The following TACC2 variants were observed in gnomAD, a reference collection of about 807,000 sequenced individuals.
TACC2 encodes the protein transforming acidic coiled-coil-containing protein 2.
In TACC2, 137 loss-of-function variants were observed where a neutral mutation model predicts 227.3. The observed-to-expected ratio is 0.60, with a 90% CI of 0.52 to 0.69. TACC2 has a LOEUF of 0.69. TACC2 is among the 30% of genes least tolerant of loss of function. The pLI is 0.00. For synonymous variants in TACC2, 1,523 were observed against 1,487.5 expected (o/e 1.02, Z -0.55); for missense variants, 3,470 against 3,694.4 (o/e 0.94, Z 1.57).
At chr10:122,122,303 C>T (rs1027849186) in intron 5 of TACC2, among the ~76,000 whole-genome samples, 1 of 151,988 alleles carries the variant, frequency 6.6e-6, no homozygotes, top group Non-Finnish European at 1.5e-5. Context: ...TGCACTGAGC[C>T]GAGATCGTGC....
chr10:122,030,066 A>T (rs771254736), intron 2 of TACC2, among the ~76,000 whole-genome samples: 30 of 152,220 alleles, frequency 2.0e-4, no homozygotes, highest in Non-Finnish European at 1.5e-5. Flanking sequence ...TCTACAATGC[A>T]CAGAACAGTC....
chr10:122,226,897 G>T (rs59962796), intron 13 of TACC2, among the ~76,000 whole-genome samples: 4 of 152,024 alleles, frequency 2.6e-5, no homozygotes, highest in Admixed American at 1.3e-4. Context: ...TCCATCATTT[G>T]TCTAAAGGGG....
chr10:122,235,302 G>A (rs986942913), intron 16 of TACC2, among the ~76,000 whole-genome samples: 6 of 152,190 alleles, frequency 3.9e-5, no homozygotes, highest in African/African-American at 1.4e-4. Flanking sequence ...TGGCCAGGCT[G>A]GTCTTGAACT....
intron 1 of TACC2, among the ~76,000 whole-genome samples, chr10:121,992,644 C>T (rs1392201070): frequency 6.6e-6 from 1 of 152,082 alleles, no homozygotes; most frequent in African/African-American, 2.4e-5. Context: ...GGCAATTGAT[C>T]CAAGTCACTG....
intron 2 of TACC2, among the ~76,000 whole-genome samples, chr10:122,033,526 G>A (rs1307195775): frequency 6.6e-6 from 1 of 152,168 alleles, no homozygotes; most frequent in Non-Finnish European, 1.5e-5. Context: ...GAATGGGGTG[G>A]TGACCCTACC....
At chr10:122,219,031 A>AAAAAAG (rs1555153659) in intron 11 of TACC2, among the ~76,000 whole-genome samples, 24 of 72,776 alleles carry the variant, frequency 3.3e-4, no homozygotes, top group Non-Finnish European at 6.6e-4. Context: ...AAAAAAAAAA[A>AAAAAAG]AAAAGAAAAG....
chr10:122,104,556 A>G (rs1313634908), intron 5 of TACC2, among the ~76,000 whole-genome samples: 3 of 152,058 alleles, frequency 2.0e-5, no homozygotes, highest in African/African-American at 7.2e-5. Context: ...TCTTTAGTAG[A>G]GACAGGGTTT....
At chr10:122,047,688 C>T (rs1010058552) in intron 2 of TACC2, among the ~76,000 whole-genome samples, 3 of 152,212 alleles carry the variant, frequency 2.0e-5, no homozygotes, top group Non-Finnish European at 4.4e-5. Flanking sequence ...CTCTCAGAGC[C>T]TCAGCTCTAA....
intron 3 of TACC2, among the ~76,000 whole-genome samples, chr10:122,054,566 T>A (rs2076032825): frequency 6.6e-6 from 1 of 152,220 alleles, no homozygotes; most frequent in Non-Finnish European, 1.5e-5. Flanking sequence ...AATATTAGGT[T>A]GTACCAGAGG....
chr10:122,107,325 A>G (rs924678755), intron 5 of TACC2, among the ~76,000 whole-genome samples: 11 of 152,252 alleles, frequency 7.2e-5, no homozygotes, highest in Admixed American at 3.3e-4. Context: ...ACTTGAGGTC[A>G]CACGTCTAAT....
At chr10:122,094,892 T>A (rs2081213591) in intron 5 of TACC2, among the ~76,000 whole-genome samples, 1 of 152,232 alleles carries the variant, frequency 6.6e-6, no homozygotes, top group South Asian at 2.1e-4. Flanking sequence ...AACTTCTCAT[T>A]ATGGCCACCG....
At chr10:122,069,158 T>A (rs566710920) in intron 3 of TACC2, among the ~76,000 whole-genome samples, 1 of 152,180 alleles carries the variant, frequency 6.6e-6, no homozygotes, top group East Asian at 1.9e-4. Flanking sequence ...GGGCTCCACC[T>A]GGAACCCCCT....
intron 7 of TACC2, among the ~76,000 whole-genome samples, chr10:122,168,280 A>G (rs1434204493): frequency 6.6e-6 from 1 of 152,150 alleles, no homozygotes; most frequent in East Asian, 1.9e-4. Flanking sequence ...AGCATTCCTA[A>G]TGTGAGTTGC....
At chr10:122,095,667 C>G (rs570523680) in intron 5 of TACC2, among the ~76,000 whole-genome samples, 1 of 152,320 alleles carries the variant, frequency 6.6e-6, no homozygotes, top group South Asian at 2.1e-4. Context: ...GACATCAGAT[C>G]TACGTTCAGA....
At chr10:122,193,882 G>A (rs1384536674) in intron 7 of TACC2, among the ~76,000 whole-genome samples, 3 of 152,006 alleles carry the variant, frequency 2.0e-5, no homozygotes, top group African/African-American at 7.2e-5. Flanking sequence ...TGGAAGCAGG[G>A]TGATGGGGAG....
At chr10:122,125,242 C>CTG (rs2086608872) in intron 5 of TACC2, among the ~76,000 whole-genome samples, 1 of 152,142 alleles carries the variant, frequency 6.6e-6, no homozygotes, top group Non-Finnish European at 1.5e-5. Flanking sequence ...GTTGCTCAGG[C>CTG]TGGAGTGCAG....
At position 122,087,456 on chromosome 10, in the gene TACC2, C is replaced by T. The variant is rs2080209075; in HGVS notation, c.4956C>T (p.Thr1652=). Residue 1652 remains threonine (T), a synonymous_variant, in exon 4 of 23, where the codon ACC becomes ACT. Transcript: ENST00000369005. The stretch of plus-strand genomic sequence containing the variant: ...CTGAGGCCAACAGTGAGCCCTGGAC[C>T]CTTGACACGCTTGGGGGTGAAAGGA... The part of the protein sequence containing the change: ...TVPEANSEPW[T]LDTLGGERRP... The T allele has an allele frequency of 3.7e-6, 6 of 1,614,046 alleles. No homozygotes were observed. Among genetic ancestry groups the T allele is most frequent in the African/African-American group, 1.3e-5 (1 of 75,048 alleles).
At chr10:122,140,173 T>G (rs1196313552) in intron 6 of TACC2, among the ~76,000 whole-genome samples, 2 of 152,198 alleles carry the variant, frequency 1.3e-5, no homozygotes, top group African/African-American at 4.8e-5. Context: ...GACAGCAAAC[T>G]CTTCAGATCC....
intron 13 of TACC2, among the ~76,000 whole-genome samples, chr10:122,227,452 A>G (rs963641253): frequency 6.6e-6 from 1 of 152,228 alleles, no homozygotes; most frequent in Non-Finnish European, 1.5e-5. Flanking sequence ...GCACCAGGTG[A>G]CAGGTACCAC....
Sources: allele counts gnomAD v4.1 joint callset (sites outside exome capture counted in the v4.1 genomes callset), GRCh38; gene constraint gnomAD v4.1.1; transcripts MANE v1.5; gene names NCBI Gene and HGNC (gene_info 2026-07-23, HGNC 2026-07-21).